Variants in ABCB11 observed in about 807,000 individuals in gnomAD.
ABCB11 encodes bile salt export pump.
In ABCB11, 95 loss-of-function variants were observed where a neutral mutation model predicts 148.0. That is an observed-to-expected ratio of 0.64 (90% confidence interval 0.54 to 0.76). The LOEUF is 0.76. Ranked by LOEUF, ABCB11 falls within the 30% of genes least tolerant of loss-of-function variation. The pLI, the probability that ABCB11 is intolerant of heterozygous loss-of-function variation, is 0.00. For synonymous variants in ABCB11, 591 were observed against 555.4 expected (o/e 1.06, Z -0.90); for missense variants, 1,523 against 1,617.8 (o/e 0.94, Z 1.01).
Position 168,921,298 on chromosome 2 carries a change from C to T in ABCB11, c.*2324G>A, listed in dbSNP as rs1461849190. Reference sequence around the variant, plus strand: ...AAAAGAGACATAAATAATATACCTCCATATCCTAGTGTCCTGGCTTAATTT... The same window carrying T: ...AAAAGAGACATAAATAATATACCTCTATATCCTAGTGTCCTGGCTTAATTT... On this transcript the variant is annotated 3_prime_UTR_variant, in exon 28 of 28. Transcript: ENST00000650372. 6.6e-6 allele frequency among the ~76,000 whole-genome samples: 1 copy of T among 152,166 alleles called. No homozygotes were observed. The highest frequency in any genetic ancestry group is 1.5e-5 in the Non-Finnish European group (1 of 68,020).
intron 5 of ABCB11, among the ~76,000 whole-genome samples, chr2:169,004,531 T>A (rs1045127472): frequency 3.3e-5 from 5 of 152,192 alleles, no homozygotes; most frequent in Non-Finnish European, 5.9e-5. Flanking sequence ...GTTGTTTTTT[T>A]ATTTATGCTA....
At chr2:168,945,586 A>C (rs796514410) in intron 19 of ABCB11, among the ~76,000 whole-genome samples, 43 of 149,332 alleles carry the variant, frequency 2.9e-4, no homozygotes, top group Admixed American at 1.1e-3. Context: ...AAGAAGGAAG[A>C]GAGGACGGAA....
At chr2:169,007,704 G>C (rs1005413676) in intron 5 of ABCB11, among the ~76,000 whole-genome samples, 1 of 151,300 alleles carries the variant, frequency 6.6e-6, no homozygotes, top group African/African-American at 2.4e-5. Flanking sequence ...GTGGTTCAAA[G>C]GTAATTATCA....
intron 18 of ABCB11, among the ~76,000 whole-genome samples, chr2:168,961,690 T>C (rs1693084347): frequency 6.6e-6 from 1 of 151,658 alleles, no homozygotes; most frequent in Non-Finnish European, 1.5e-5. Flanking sequence ...GAGCTAAGAG[T>C]ACTGCTTGGA....
At position 168,976,033 on chromosome 2, in the gene ABCB11, A is replaced by G. The variant is rs548053862; in HGVS notation, c.1308+544T>C. ...AAAGATAATTTAAAGGCAGGAAATA[A>G]TTTTTTTCACCATGTGCCCTGAACA... On this transcript the variant is annotated intron_variant, in intron 12 of 27. Coordinates refer to ENST00000650372, the MANE Select transcript of ABCB11 (RefSeq NM_003742.4). 3.9e-5 allele frequency among the ~76,000 whole-genome samples: 6 copies of G among 152,096 alleles called. No individual in the cohort carries two copies. The East Asian group carries it at 1.2e-3, about 29-fold the overall frequency.
rs1691782281 is a variant in ABCB11 at position 168,935,554 on chromosome 2, GGA to G, written c.2815-131_2815-130del. 34 of 1,249,630 alleles carry G rather than the reference GGA, an allele frequency of 2.7e-5. No individual in the cohort carries two copies. In the South Asian group the frequency reaches 4.3e-4, roughly 16 times the overall value. 77.4% of individuals were successfully genotyped at this position (1,249,630 alleles called of 1,614,324 possible). On this transcript the variant is annotated intron_variant, in intron 22 of 27. Coordinates refer to ENST00000650372, the MANE Select transcript of ABCB11 (RefSeq NM_003742.4). ...TACAAATCAGAGAATGCATCATCTG[GGA>G]ATACAAAGACGTGGCTGGAGATCAA...
intron 21 of ABCB11, among the ~76,000 whole-genome samples, chr2:168,939,739 T>C (rs536171790): frequency 8.7e-4 from 133 of 152,268 alleles, no homozygotes; most frequent in African/African-American, 3.1e-3. Flanking sequence ...GCAGATATTG[T>C]GATTTTTACT....
chr2:168,990,671 C>A (rs1251350985), intron 9 of ABCB11, 130 bp downstream of exon 9: 9 of 1,124,148 alleles, frequency 8.0e-6, no homozygotes, highest in Non-Finnish European at 1.2e-5. Context: ...TGCTTAGCTC[C>A]CTCTTGAACA....
chr2:168,980,037 A>G (rs1694083617), intron 10 of ABCB11, 58 bp from the exon 11 acceptor site: 1 of 1,017,084 alleles, frequency 9.8e-7, no homozygotes, highest in African/African-American at 1.6e-5. Flanking sequence ...AATAGTAATT[A>G]CTATCATTTG....
intron 19 of ABCB11, among the ~76,000 whole-genome samples, chr2:168,956,946 A>G (rs1400597081): frequency 1.3e-5 from 2 of 151,630 alleles, no homozygotes; most frequent in Non-Finnish European, 3.0e-5. Context: ...GCAGTCCCCA[A>G]CTGGGTAAGC....
At chr2:168,998,998 C>G (rs13393626) in intron 5 of ABCB11, among the ~76,000 whole-genome samples, 2 of 152,058 alleles carry the variant, frequency 1.3e-5, no homozygotes, top group Non-Finnish European at 2.9e-5. Flanking sequence ...ATACCAAGGT[C>G]TTTATTGCCT....
intron 1 of ABCB11, among the ~76,000 whole-genome samples, chr2:169,027,384 C>A (rs1695732834): frequency 1.3e-5 from 2 of 152,204 alleles, no homozygotes; most frequent in Admixed American, 1.3e-4. Flanking sequence ...GGTCTATAAC[C>A]TGCACACTAT....
chr2:168,973,638 C>T (rs1401632053), intron 13 of ABCB11, 77 bp downstream of exon 13: 17 of 1,542,016 alleles, frequency 1.1e-5, no homozygotes, highest in Admixed American at 1.7e-5. Flanking sequence ...GTATGCTACA[C>T]CTTTCTGTTT....
chr2:168,989,764 T>C (rs953513605), intron 9 of ABCB11, among the ~76,000 whole-genome samples: 3 of 152,116 alleles, frequency 2.0e-5, no homozygotes, highest in Non-Finnish European at 4.4e-5. Context: ...GTTACCTTTA[T>C]TGTATTGAGG....
chr2:169,022,843 C>T (rs1046827102), intron 1 of ABCB11, among the ~76,000 whole-genome samples: 3 of 151,698 alleles, frequency 2.0e-5, no homozygotes, highest in African/African-American at 7.3e-5. Context: ...ATGTTGATCC[C>T]AGGAATGCAA....
At position 168,965,988 on chromosome 2, in the gene ABCB11, T is replaced by C. The variant is rs3770584; in HGVS notation, c.2076-1680A>G. ...CTTCCTTGCTCTTGCACATTCAGAC[T>C]CTTGCCAAGACTCATTATGACCAGG... On this transcript the variant is annotated intron_variant, in intron 17 of 27. Transcript: ENST00000650372. Among the ~76,000 whole-genome samples the C allele has an allele frequency of 0.015, 2,312 of 151,904 alleles. 281 individuals are homozygous for C. In the East Asian group the frequency reaches 0.33, roughly 22 times the overall value.
At chr2:168,930,198 C>A (rs1398894884) in intron 25 of ABCB11, among the ~76,000 whole-genome samples, 1 of 152,190 alleles carries the variant, frequency 6.6e-6, no homozygotes, top group African/African-American at 2.4e-5. Context: ...ACATGGCTCT[C>A]AATCTGAGTT....
chr2:169,028,513 A>G (rs963345378), intron 1 of ABCB11, among the ~76,000 whole-genome samples: 1 of 152,090 alleles, frequency 6.6e-6, no homozygotes, highest in African/African-American at 2.4e-5. Context: ...GCCCAGATGC[A>G]AGAGACAGGG....
chr2:168,917,189 AAG>A (rs754118614), downstream of ABCB11, among the ~76,000 whole-genome samples: 39 of 103,160 alleles, frequency 3.8e-4, no homozygotes, highest in Non-Finnish European at 5.4e-4. Flanking sequence ...CTATATAAAA[AAG>A]AGTTTTTGGA....
Sources: allele counts gnomAD v4.1 joint callset (sites outside exome capture counted in the v4.1 genomes callset), GRCh38; gene constraint gnomAD v4.1.1; transcripts MANE v1.5; gene names NCBI Gene and HGNC (gene_info 2026-07-23, HGNC 2026-07-21).